FAM13C: variants seen among roughly 807,000 people sequenced by gnomAD.
FAM13C encodes the protein protein FAM13C.
Under a neutral mutation model 73.2 loss-of-function variants are expected in FAM13C, and 37 were observed. The ratio of observed to expected loss-of-function variants is 0.51; its 90% confidence interval spans 0.39 to 0.67. The LOEUF (loss-of-function observed/expected upper bound fraction) is 0.67, where lower values mean the gene tolerates loss of function less well. Among genes scored for constraint, FAM13C ranks in the 30% least tolerant of loss-of-function variants. The pLI, the probability that FAM13C is intolerant of heterozygous loss-of-function variation, is 0.00. For synonymous variants in FAM13C, 246 were observed against 260.9 expected, an observed-to-expected ratio of 0.94 and a Z score of 0.55; for missense variants, 589 against 715.6, an observed-to-expected ratio of 0.82 and a Z score of 2.02.
chr10:59,306,087 A>G (rs1232501773), intron 4 of FAM13C, among the ~76,000 whole-genome samples: 2 of 152,216 alleles, frequency 1.3e-5, no homozygotes, highest in African/African-American at 2.4e-5. Context: ...GAAGAGTGGT[A>G]TTCTCTAATA....
At chr10:59,261,127 A>G (rs1262549080) in intron 10 of FAM13C, among the ~76,000 whole-genome samples, 1 of 152,174 alleles carries the variant, frequency 6.6e-6, no homozygotes, top group East Asian at 1.9e-4. Context: ...GAAGGATGGA[A>G]AACCACAGAG....
At chr10:59,300,380 C>T (rs1847456090) in intron 5 of FAM13C, among the ~76,000 whole-genome samples, 1 of 152,118 alleles carries the variant, frequency 6.6e-6, no homozygotes, top group Non-Finnish European at 1.5e-5. Context: ...TTTAGACTCG[C>T]AAGTTGGTAT....
Position 59,355,872 on chromosome 10 carries a change from A to G in FAM13C, c.119+15T>C. 2 of 1,613,466 alleles carry G rather than the reference A, an allele frequency of 1.2e-6. No individual in the cohort carries two copies. Among genetic ancestry groups the G allele is most frequent in the Non-Finnish European group, 1.7e-6 (2 of 1,179,398 alleles). ...TGTCTCTCACAAATATGAACCAAGC[A>G]ATGGTGGCTTTTACCTGAGACTGGA... is the stretch of plus-strand genomic sequence containing the variant. On this transcript the variant is annotated intron_variant, in intron 2 of 13. Coordinates refer to ENST00000618804, the MANE Select transcript of FAM13C (RefSeq NM_198215.4).
chr10:59,358,845 C>T (rs1408471237), intron 1 of FAM13C, among the ~76,000 whole-genome samples: 1 of 152,202 alleles, frequency 6.6e-6, no homozygotes, highest in Non-Finnish European at 1.5e-5. Context: ...TACTAAGCAA[C>T]TCCAGTTGCC....
intron 5 of FAM13C, among the ~76,000 whole-genome samples, chr10:59,290,534 A>T (rs1458877491): frequency 6.6e-6 from 1 of 152,014 alleles, no homozygotes; most frequent in Admixed American, 6.6e-5. Flanking sequence ...CCATCTGCTG[A>T]TTCACCTGCT....
chr10:59,353,076 C>G (rs1855281479), intron 2 of FAM13C, among the ~76,000 whole-genome samples: 2 of 152,222 alleles, frequency 1.3e-5, no homozygotes, highest in African/African-American at 4.8e-5. Flanking sequence ...ACCAGGCCCT[C>G]TGAACAATGC....
intron 1 of FAM13C, among the ~76,000 whole-genome samples, chr10:59,356,867 C>T (rs1057112794): frequency 5.9e-5 from 9 of 152,190 alleles, no homozygotes; most frequent in South Asian, 2.1e-4. Flanking sequence ...GCTACCAATG[C>T]GGCTAGAATA....
Position 59,246,542 on chromosome 10 carries a change from T to A in FAM13C, c.*1072A>T, listed in dbSNP as rs1396443070. On this transcript the variant is annotated 3_prime_UTR_variant, in exon 14 of 14. Transcript: ENST00000618804. The stretch of plus-strand genomic sequence containing the variant: ...ATGAGAGAAAATGTTGACCTTTTAC[T>A]TCCTTTTACAAAAATGAAAATAATA... 1 of 394,356 alleles carries A rather than the reference T, an allele frequency of 2.5e-6. No homozygotes were observed. The highest frequency in any genetic ancestry group is 2.1e-5 in the African/African-American group (1 of 48,540). The allele number at this position is 394,356 out of a possible 1,614,324, so 24.4% of individuals were successfully genotyped here. A position where few individuals can be genotyped will look rare whatever the true frequency, so the allele number is the denominator to read the frequency against.
intron 10 of FAM13C, among the ~76,000 whole-genome samples, chr10:59,258,306 A>G (rs1382588980): frequency 6.6e-6 from 1 of 152,042 alleles, no homozygotes; most frequent in South Asian, 2.1e-4. Context: ...CAAAAGTGAG[A>G]GCTCACCTCT....
In FAM13C at chr10:59,299,511, C is replaced by CTT. The variant is rs58591438; in HGVS notation, c.507+3288_507+3289dup. 1.1e-3 allele frequency among the ~76,000 whole-genome samples: 149 copies of CTT among 137,054 alleles called. 1 individual carries two copies. Among genetic ancestry groups the CTT allele is most frequent in the Non-Finnish European group, 2.1e-3 (131 of 63,048 alleles). The allele number at this position is 137,054 out of a possible 152,430, so 89.9% of individuals were successfully genotyped here. Reference sequence around the variant, plus strand: ...ACAGTAGTTTGAGGACCCAATATGGCTTTTTTTTTTTTTCAGGGAAGGAGA... The same window carrying CTT: ...ACAGTAGTTTGAGGACCCAATATGGCTTTTTTTTTTTTTTTCAGGGAAGGAGA... On this transcript the variant is annotated intron_variant, in intron 5 of 13. Transcript: ENST00000618804.
At chr10:59,283,615 G>A in intron 5 of FAM13C, 168 bp from the exon 6 acceptor site, 2 of 693,374 alleles carry the variant, frequency 2.9e-6, no homozygotes, top group East Asian at 5.2e-5. Context: ...GGCAGGAAGA[G>A]GGTGGTGGCA....
chr10:59,299,273 A>T (rs1407777648), intron 5 of FAM13C, among the ~76,000 whole-genome samples: 4 of 152,058 alleles, frequency 2.6e-5, no homozygotes, highest in African/African-American at 7.2e-5. Context: ...AATTAAACTT[A>T]AAAAAAATCT....
chr10:59,347,987 T>C (rs1854537536), intron 3 of FAM13C, among the ~76,000 whole-genome samples: 1 of 152,204 alleles, frequency 6.6e-6, no homozygotes, highest in South Asian at 2.1e-4. Context: ...GCAATAAACA[T>C]ACGTGTGCAT....
chr10:59,328,281 G>A (rs140681944), intron 3 of FAM13C, among the ~76,000 whole-genome samples: 1 of 152,278 alleles, frequency 6.6e-6, no homozygotes, highest in East Asian at 1.9e-4. Context: ...ATTAACTCAA[G>A]AGGCTCAAAA....
intron 3 of FAM13C, among the ~76,000 whole-genome samples, chr10:59,327,880 CT>C (rs988867049): frequency 2.0e-5 from 3 of 152,154 alleles, no homozygotes; most frequent in African/African-American, 4.8e-5. Context: ...CAGATTCTAA[CT>C]TTTTACTTCT....
intron 7 of FAM13C, 45 bp from the exon 8 acceptor site, chr10:59,268,736 T>C: frequency 1.9e-6 from 3 of 1,593,682 alleles, no homozygotes; most frequent in Non-Finnish European, 2.6e-6. Context: ...ACAGTGGGCT[T>C]CCAGTAAACA....
chr10:59,337,844 T>A (rs889836236), intron 3 of FAM13C, among the ~76,000 whole-genome samples: 1 of 151,906 alleles, frequency 6.6e-6, no homozygotes, highest in African/African-American at 2.4e-5. Flanking sequence ...CATGCCTGTC[T>A]AATTTTTGTA....
chr10:59,362,005 T>G (rs1015160157), intron 1 of FAM13C, among the ~76,000 whole-genome samples: 2 of 152,210 alleles, frequency 1.3e-5, no homozygotes, highest in African/African-American at 4.8e-5. Flanking sequence ...GGAATTCAGC[T>G]CATTTCACAT....
intron 3 of FAM13C, among the ~76,000 whole-genome samples, chr10:59,335,574 C>A (rs913385180): frequency 1.3e-5 from 2 of 152,154 alleles, no homozygotes; most frequent in Admixed American, 1.3e-4. Flanking sequence ...ACAGGAAATC[C>A]CTGGAGGCAG....
Sources: gnomAD v4.1 joint callset for allele counts (sites outside exome capture counted in the v4.1 genomes callset) on GRCh38, gnomAD v4.1.1 for gene constraint, MANE v1.5 for transcripts, NCBI Gene and HGNC (gene_info 2026-07-23, HGNC 2026-07-21) for gene names.